Variants in TXNRD1 observed in about 807,000 individuals in gnomAD.
The protein encoded by TXNRD1 is thioredoxin reductase 1, cytoplasmic.
Under a neutral mutation model 80.3 loss-of-function variants are expected in TXNRD1, and 57 were observed. That is an observed-to-expected ratio of 0.71 (90% CI 0.57 to 0.89). TXNRD1 has a LOEUF of 0.89. Among genes scored for constraint, TXNRD1 ranks in the 40% least tolerant of loss-of-function variants. The probability of loss-of-function intolerance (pLI) is 0.00; values close to 1 mark genes in which losing one functional copy is unlikely to be tolerated. For missense variants in TXNRD1, 730 were observed against 803.0 expected, an observed-to-expected ratio of 0.91 and a Z score of 1.10; for synonymous variants, 291 against 285.2, an observed-to-expected ratio of 1.02 and a Z score of -0.20.
intron 4 of TXNRD1, among the ~76,000 whole-genome samples, chr12:104,310,597 G>A (rs1467627896): frequency 6.6e-6 from 1 of 152,146 alleles, no homozygotes; most frequent in Admixed American, 6.5e-5. Flanking sequence ...TATAATTAAT[G>A]TGTATCAGAA....
At chr12:104,307,248 G>A (rs574318564) in intron 4 of TXNRD1, among the ~76,000 whole-genome samples, 3 of 152,222 alleles carry the variant, frequency 2.0e-5, no homozygotes, top group Admixed American at 6.5e-5. Context: ...TTGCTAATAC[G>A]TTTGTATACT....
intron 4 of TXNRD1, among the ~76,000 whole-genome samples, chr12:104,297,614 G>A (rs995653705): frequency 2.0e-5 from 3 of 152,042 alleles, no homozygotes; most frequent in East Asian, 1.9e-4. Context: ...ATCCGCCTGC[G>A]TCAGCCTCCA....
chr12:104,304,685 TC>T, intron 4 of TXNRD1: 1 of 1,614,026 alleles, frequency 6.2e-7, no homozygotes, highest in South Asian at 1.1e-5. Flanking sequence ...TGATCCAAAC[TC>T]TTTTTCTCGT....
In TXNRD1 at chr12:104,232,534, G is replaced by A. The variant is rs77514915; in HGVS notation, c.91+16641G>A. Reference sequence around the variant, plus strand: ...GCCGATGGAGCCACTGCACTCCAGCGTAGGTGACAGAGCGAGACACCACCT... The same window carrying A: ...GCCGATGGAGCCACTGCACTCCAGCATAGGTGACAGAGCGAGACACCACCT... On this transcript the variant is annotated intron_variant, in intron 1 of 16. Coordinates refer to ENST00000525566, the MANE Select transcript of TXNRD1 (RefSeq NM_001093771.3). Among the ~76,000 whole-genome samples the A allele has an allele frequency of 2.8e-3, 418 of 151,976 alleles. 1 individual carries two copies. Among genetic ancestry groups the A allele is most frequent in the African/African-American group, 9.6e-3 (399 of 41,494 alleles).
At chr12:104,309,022 C>G (rs1429587219) in intron 4 of TXNRD1, among the ~76,000 whole-genome samples, 1 of 151,858 alleles carries the variant, frequency 6.6e-6, no homozygotes, top group Non-Finnish European at 1.5e-5. Flanking sequence ...CTCAGCCTCC[C>G]GAATAGCTGG....
chr12:104,267,272 T>TTTCTTTCTTTCTTTCTTTCTTTCTTTCA (rs2033523077), intron 3 of TXNRD1, among the ~76,000 whole-genome samples: 1 of 145,606 alleles, frequency 6.9e-6, no homozygotes, highest in Non-Finnish European at 1.5e-5. Context: ...TCTTTCTTTC[T>TTTCTTTCTTTCTTTCTTTCTTTCTTTCA]TTCTTTCTTT....
At chr12:104,317,802 T>C (rs751514818) in intron 7 of TXNRD1, among the ~76,000 whole-genome samples, 1 of 152,232 alleles carries the variant, frequency 6.6e-6, no homozygotes, top group Non-Finnish European at 1.5e-5. Flanking sequence ...ATTGCACCAC[T>C]GCACTCCAGC....
At chr12:104,264,158 A>G (rs544525916) in intron 3 of TXNRD1, among the ~76,000 whole-genome samples, 163 of 152,330 alleles carry the variant, frequency 1.1e-3, no homozygotes, top group Middle Eastern at 6.8e-3. Context: ...CACTGGCAGG[A>G]GAGAAAAGAT....
chr12:104,275,047 G>C (rs1340081755), intron 3 of TXNRD1, among the ~76,000 whole-genome samples: 1 of 152,212 alleles, frequency 6.6e-6, no homozygotes, highest in Non-Finnish European at 1.5e-5. Flanking sequence ...ATGTAATGCA[G>C]AATGCAGGCA....
intron 13 of TXNRD1, 103 bp downstream of exon 13, chr12:104,327,774 G>T: frequency 1.5e-6 from 2 of 1,302,490 alleles, no homozygotes; most frequent in South Asian, 1.5e-5. Context: ...GAATAATTTA[G>T]TTATTTTGGT....
chr12:104,247,252 G>T (rs1657199926), intron 1 of TXNRD1, among the ~76,000 whole-genome samples: 1 of 152,004 alleles, frequency 6.6e-6, no homozygotes, highest in Non-Finnish European at 1.5e-5. Flanking sequence ...ATTTTTCATT[G>T]TGACAGGGTT....
intron 3 of TXNRD1, among the ~76,000 whole-genome samples, chr12:104,273,698 G>GTGGCA (rs2033701621): frequency 6.6e-6 from 1 of 152,236 alleles, no homozygotes; most frequent in East Asian, 1.9e-4. Flanking sequence ...CGACCTGCGC[G>GTGGCA]TGGCAGCCTT....
chr12:104,331,607 A>G lies in TXNRD1; in HGVS notation c.1616A>G (p.Lys539Arg). Residue 539 changes from lysine (K) to arginine (R), a missense_variant, in exon 14 of 17, where the codon AAA becomes AGA. Transcript: ENST00000525566. ...GGTGCTTGTGGCCTTTCTGAGGAGA[A>G]AGCTGTGGAGAAGTTTGGGGAAGAA... ...EYGACGLSEE[K>R]AVEKFGEENI... 1 of 1,612,708 alleles carries G rather than the reference A, an allele frequency of 6.2e-7. No individual in the cohort carries two copies. Among genetic ancestry groups the G allele is most frequent in the East Asian group, 2.2e-5 (1 of 44,776 alleles).
At chr12:104,251,387 A>G (rs2033114209) in intron 1 of TXNRD1, 140 bp from the exon 2 acceptor site, 3 of 790,774 alleles carry the variant, frequency 3.8e-6, no homozygotes, top group South Asian at 1.6e-5. Flanking sequence ...AATCTTCATT[A>G]GAGTCCTTCC....
chr12:104,340,221 A>G (rs2036275817), intron 16 of TXNRD1, among the ~76,000 whole-genome samples: 1 of 152,236 alleles, frequency 6.6e-6, no homozygotes. Flanking sequence ...TTTCATTTAT[A>G]GAAAGCTGCT....
At chr12:104,252,660 T>TATA (rs1182730147) in intron 2 of TXNRD1, among the ~76,000 whole-genome samples, 15 of 53,156 alleles carry the variant, frequency 2.8e-4, no homozygotes, top group African/African-American at 5.3e-4. Flanking sequence ...ATTTATTATT[T>TATA]TTTATATATA....
intron 1 of TXNRD1, among the ~76,000 whole-genome samples, chr12:104,243,460 T>C (rs1294497038): frequency 2.0e-5 from 3 of 152,242 alleles, no homozygotes; most frequent in African/African-American, 7.2e-5. Context: ...CTTTACTTGA[T>C]GGGGTCTTGT....
At chr12:104,341,281 G>A (rs1426570402) in intron 16 of TXNRD1, among the ~76,000 whole-genome samples, 2 of 152,180 alleles carry the variant, frequency 1.3e-5, no homozygotes, top group African/African-American at 4.8e-5. Flanking sequence ...ATAGGACTCT[G>A]ATACTTTGTT....
At chr12:104,236,656 GT>G (rs1233399819) in intron 1 of TXNRD1, among the ~76,000 whole-genome samples, 8 of 152,134 alleles carry the variant, frequency 5.3e-5, no homozygotes, top group Non-Finnish European at 8.8e-5. Context: ...GGGTGTGGTG[GT>G]GCATGCCTGT....
Sources: allele counts gnomAD v4.1 joint callset (sites outside exome capture counted in the v4.1 genomes callset), GRCh38; gene constraint gnomAD v4.1.1; transcripts MANE v1.5; gene names NCBI Gene and HGNC (gene_info 2026-07-23, HGNC 2026-07-21).